The following OXLD1 variants were observed in gnomAD, a reference collection of about 807,000 sequenced individuals.
OXLD1 encodes oxidoreductase-like domain-containing protein 1.
A neutral mutation model predicts 3.1 loss-of-function variants in OXLD1; 4 were observed. The observed-to-expected ratio is 1.28, with a 90% CI of 0.63 to 2.92. The LOEUF (loss-of-function observed/expected upper bound fraction) is 2.92, where lower values mean the gene tolerates loss of function less well. Ranked by LOEUF, OXLD1 falls within the 30% of genes most tolerant of loss-of-function variation. OXLD1 has a pLI of 0.01. For missense variants in OXLD1, 240 were observed against 204.6 expected (o/e 1.17, Z -1.05); for synonymous variants, 100 against 87.0 (o/e 1.15, Z -0.83).
In OXLD1 at chr17:81,665,151, C is replaced by CT; in HGVS notation, c.*49_*50insA. 6.5e-7 allele frequency: 1 copy of CT among 1,534,120 alleles called. No homozygotes were observed. ...GAGGGGGTGTGAAGGAAGGAGGCTG[C>CT]GGCTGCGTCCTGGACTCCGTCCTGC... On this transcript the variant is annotated 3_prime_UTR_variant, in exon 2 of 2. Coordinates refer to ENST00000374741, the MANE Select transcript of OXLD1 (RefSeq NM_001039842.3).
chr17:81,666,172 C>G (rs1281339258), intron 1 of OXLD1: 5 of 440,782 alleles, frequency 1.1e-5, no homozygotes, highest in Non-Finnish European at 1.2e-5. Flanking sequence ...ACTAGTCCTG[C>G]GAGGGGCATC....
At chr17:81,665,745 G>A in intron 1 of OXLD1, 161 bp from the exon 2 acceptor site, 2 of 808,736 alleles carry the variant, frequency 2.5e-6, no homozygotes, top group Non-Finnish European at 3.8e-6. Flanking sequence ...CACCTCTCTA[G>A]ACTCAGTTTC....
rs1394693922 is a variant in OXLD1, at chr17:81,666,596, G to C, written c.-19C>G. 2.1e-6 allele frequency: 3 copies of C among 1,428,140 alleles called. No individual in the cohort carries two copies. Among genetic ancestry groups the C allele is most frequent in the Middle Eastern group, 2.3e-4 (1 of 4,370 alleles). 88.5% of individuals were successfully genotyped at this position (1,428,140 alleles called of 1,614,324 possible). A position where few individuals can be genotyped will look rare whatever the true frequency, so the allele number is the denominator to read the frequency against. Reference sequence around the variant, plus strand: ...GCAGCATCGCCCGCGGACGGGATCCGGCAACCCCTGACCGTGAGCGGCGGG... The same window carrying C: ...GCAGCATCGCCCGCGGACGGGATCCCGCAACCCCTGACCGTGAGCGGCGGG... On this transcript the variant is annotated 5_prime_UTR_variant, in exon 1 of 2. Transcript: ENST00000374741.
In OXLD1 at chr17:81,665,194, G is replaced by A; in HGVS notation, c.*7C>T. ...CGTCCTGCGGTAGGGAGTCCAGCAG[G>A]GATGGCTCAGCCTCCGCACCTGGTG... On this transcript the variant is annotated 3_prime_UTR_variant, in exon 2 of 2. Transcript: ENST00000374741. 8 of 1,602,070 alleles carry A rather than the reference G, an allele frequency of 5.0e-6. No homozygotes were observed. The highest frequency in any genetic ancestry group is 6.8e-6 in the Non-Finnish European group (8 of 1,173,104).
At chr17:81,666,461 G>A in intron 1 of OXLD1, 57 bp downstream of exon 1, 1 of 1,517,426 alleles carries the variant, frequency 6.6e-7, no homozygotes. Flanking sequence ...CGGGCCCCCG[G>A]ACAGCGGCCT....
rs1206138077 is a variant in OXLD1, at chr17:81,665,463, T to A, written c.182A>T (p.His61Leu). Residue 61 changes from histidine to leucine, a missense_variant, in exon 2 of 2, where the codon CAC becomes CTC. By Grantham distance (99) the His-to-Leu change is moderately conservative. Coordinates refer to ENST00000374741, the MANE Select transcript of OXLD1 (RefSeq NM_001039842.3). Reference protein sequence around the residue: ...PDGRRKFGTDHVEVGSQAGAD... With the variant: ...PDGRRKFGTDLVEVGSQAGAD... ...ACCTGCTTGGGAGCCCACCTCTACGTGGTCTGTCCCGAATTTTCTGCGCCC... is the reference window on the plus strand; with the variant it reads ...ACCTGCTTGGGAGCCCACCTCTACGAGGTCTGTCCCGAATTTTCTGCGCCC... The A allele has an allele frequency of 6.2e-7, 1 of 1,613,406 alleles. No individual in the cohort carries two copies.
chr17:81,665,560 C>G lies in OXLD1; in HGVS notation c.85G>C (p.Asp29His), dbSNP rs775815589. The G allele has an allele frequency of 1.9e-6, 3 of 1,598,072 alleles. 1 individual carries two copies. In the South Asian group the frequency reaches 3.3e-5, roughly 18 times the overall value. The change falls in exon 2 of 2, where the codon GAC becomes CAC. Residue 29 changes from aspartate (D) to histidine (H), a missense_variant. By Grantham distance (81) the Asp-to-His change is moderately conservative. Transcript: ENST00000374741. ...CCTCCAGGAAGCCTCTGGCAGCAGTCCGGGCTGGAGAACCGGCGAGCCCCC... is the reference window on the plus strand; with the variant it reads ...CCTCCAGGAAGCCTCTGGCAGCAGTGCGGGCTGGAGAACCGGCGAGCCCCC... ...GSGARRFSSP[D>H]CCQRLPGGGS...
intron 1 of OXLD1, 184 bp from the exon 2 acceptor site, chr17:81,665,768 T>TG (rs2036597802): frequency 1.5e-6 from 1 of 685,594 alleles, no homozygotes; most frequent in African/African-American, 1.8e-5. Flanking sequence ...CACTGTGCAA[T>TG]GGAAGTCATG....
intron 1 of OXLD1, chr17:81,666,073 C>A: frequency 2.4e-6 from 1 of 416,712 alleles, no homozygotes; most frequent in Non-Finnish European, 4.2e-6. Context: ...CTCATCCCAG[C>A]GTGAATGTCC....
In OXLD1 at chr17:81,665,501, C is replaced by T. The variant is rs377125959; in HGVS notation, c.144G>A (p.Ala48=). The T allele has an allele frequency of 6.2e-6, 10 of 1,612,584 alleles. No individual in the cohort carries two copies. Among genetic ancestry groups the T allele is most frequent in the South Asian group, 1.1e-5 (1 of 91,056 alleles). ...GSFLQRHHPG[A]QAPDGRRKFG... is the part of the protein sequence containing the mutation. ...ATTTTCTGCGCCCATCAGGGGCTTG[C>T]GCTCCGGGATGGTGCCTTTGAAGAA... The change falls in exon 2 of 2, where the codon GCG becomes GCA. Residue 48 remains alanine (A), a synonymous_variant. Transcript: ENST00000374741.
intron 1 of OXLD1, 120 bp from the exon 2 acceptor site, chr17:81,665,704 T>G: frequency 8.4e-7 from 1 of 1,193,218 alleles, no homozygotes; most frequent in Non-Finnish European, 1.1e-6. Context: ...CCTCAGCTTT[T>G]TCACTTCCTG....
intron 1 of OXLD1, 132 bp downstream of exon 1, chr17:81,666,386 C>T: frequency 1.8e-6 from 2 of 1,110,372 alleles, no homozygotes; most frequent in Non-Finnish European, 2.5e-6. Context: ...CGGCGGCCAG[C>T]GCGCGATCCT....
rs752409450 is a variant in OXLD1 at position 81,665,578 on chromosome 17, G to A, written c.67C>T (p.Arg23Cys). 6.9e-6 allele frequency: 11 copies of A among 1,583,254 alleles called. No individual in the cohort carries two copies. The East Asian group carries it at 1.3e-4, about 19-fold the overall frequency. Residue 23 changes from arginine (R) to cysteine (C), a missense_variant, in exon 2 of 2, where the codon CGC becomes TGC. Physicochemically the swap from Arg to Cys is radical, Grantham distance 180. Coordinates refer to ENST00000374741, the MANE Select transcript of OXLD1 (RefSeq NM_001039842.3). ...CAGCAGTCCGGGCTGGAGAACCGGCGAGCCCCCTGAGGATGCAGACAAACA... is the reference window on the plus strand; with the variant it reads ...CAGCAGTCCGGGCTGGAGAACCGGCAAGCCCCCTGAGGATGCAGACAAACA... ...VAAAVRGSGARRFSSPDCCQR... is the reference protein window; with the variant it reads ...VAAAVRGSGACRFSSPDCCQR...
In OXLD1 at chr17:81,665,088, C is replaced by T. The variant is rs1411784109; in HGVS notation, c.*113G>A. The T allele has an allele frequency of 2.3e-6, 3 of 1,303,770 alleles. No homozygotes were observed. Among genetic ancestry groups the T allele is most frequent in the Admixed American group, 4.8e-5 (2 of 41,906 alleles). 80.8% of individuals were successfully genotyped at this position (1,303,770 alleles called of 1,614,324 possible). On this transcript the variant is annotated 3_prime_UTR_variant, in exon 2 of 2. Coordinates refer to ENST00000374741, the MANE Select transcript of OXLD1 (RefSeq NM_001039842.3). ...TTTTTTTCTCAGGTGAAGTCAGTAA[C>T]TAATTCTTCCTATTCCCGTTGGACA...
intron 1 of OXLD1, 130 bp downstream of exon 1, chr17:81,666,388 C>A: frequency 2.7e-6 from 3 of 1,128,484 alleles, no homozygotes; most frequent in East Asian, 3.0e-5. Flanking sequence ...GCGGCCAGCG[C>A]GCGATCCTCC....
chr17:81,665,858 GT>G lies in OXLD1; in HGVS notation c.61-275del. Reference sequence around the variant, plus strand: ...TGTGCACTCAAGCACATGGTGGGGGGTGGGGGAGGCACTCGACACCTCCAGC... The same window carrying G: ...TGTGCACTCAAGCACATGGTGGGGGGGGGGGAGGCACTCGACACCTCCAGC... On this transcript the variant is annotated intron_variant, in intron 1 of 1. Transcript: ENST00000374741. 8.1e-6 allele frequency: 4 copies of G among 494,892 alleles called. No homozygotes were observed. The South Asian group carries it at 1.2e-4, about 14-fold the overall frequency. 30.7% of individuals were successfully genotyped at this position (494,892 alleles called of 1,614,324 possible). A position where few individuals can be genotyped will look rare whatever the true frequency, so the allele number is the denominator to read the frequency against.
Position 81,666,547 on chromosome 17 carries a change from G to C in OXLD1, c.31C>G (p.Arg11Gly). The C allele has an allele frequency of 6.6e-7, 1 of 1,515,588 alleles. No homozygotes were observed. Among genetic ancestry groups the C allele is most frequent in the Non-Finnish European group, 8.8e-7 (1 of 1,139,528 alleles). The allele number at this position is 1,515,588 out of a possible 1,614,324, so 93.9% of individuals were successfully genotyped here. Residue 11 changes from arginine to glycine, a missense_variant, in exon 1 of 2, where the codon CGG becomes GGG. Physicochemically the swap from Arg to Gly is moderately radical, Grantham distance 125 (BLOSUM62 -2). Coordinates refer to ENST00000374741, the MANE Select transcript of OXLD1 (RefSeq NM_001039842.3). MLLRRVVEGG[R>G]AVAAAVRGSG... ...CCACGGACCGCGGCGGCTACCGCCC[G>C]GCCTCCCTCGACCACCCTCCGCAGC...
chr17:81,666,386 C>A (rs1487714387), intron 1 of OXLD1, 132 bp downstream of exon 1: 17 of 1,110,258 alleles, frequency 1.5e-5, no homozygotes, highest in African/African-American at 3.3e-5. Flanking sequence ...CGGCGGCCAG[C>A]GCGCGATCCT....
Position 81,665,531 on chromosome 17 carries a change from G to A in OXLD1, c.114C>T (p.Gly38=). Residue 38 remains glycine, a synonymous_variant, in exon 2 of 2, where the codon GGC becomes GGT. Coordinates refer to ENST00000374741, the MANE Select transcript of OXLD1 (RefSeq NM_001039842.3). Reference sequence around the variant, plus strand: ...CGGGATGGTGCCTTTGAAGAAAGCTGCCACCTCCAGGAAGCCTCTGGCAGC... The same window carrying A: ...CGGGATGGTGCCTTTGAAGAAAGCTACCACCTCCAGGAAGCCTCTGGCAGC... ...PDCCQRLPGG[G]SFLQRHHPGA... 1 of 1,608,786 alleles carries A rather than the reference G, an allele frequency of 6.2e-7. No individual in the cohort carries two copies. Among genetic ancestry groups the A allele is most frequent in the Non-Finnish European group, 8.5e-7 (1 of 1,176,850 alleles).
Sources: allele counts gnomAD v4.1 joint callset, GRCh38; gene constraint gnomAD v4.1.1; transcripts MANE v1.5; gene names NCBI Gene and HGNC (gene_info 2026-07-23, HGNC 2026-07-21).